Variants in TCF4 observed in about 807,000 individuals in gnomAD.
TCF4 encodes transcription factor 4.
Under a neutral mutation model 82.1 loss-of-function variants are expected in TCF4, and 3 were observed. The ratio of observed to expected loss-of-function variants is 0.04; its 90% CI spans 0.02 to 0.09. TCF4 has a LOEUF of 0.09. Among genes scored for constraint, TCF4 ranks in the 10% least tolerant of loss-of-function variants. TCF4 has a pLI of 1.00. For missense variants in TCF4, 518 were observed against 852.7 expected (o/e 0.61, Z 4.89); for synonymous variants, 276 against 309.6 (o/e 0.89, Z 1.14).
intron 15 of TCF4, among the ~76,000 whole-genome samples, chr18:55,244,910 G>A (rs141236921): frequency 3.1e-4 from 47 of 152,304 alleles, no homozygotes; most frequent in African/African-American, 1.1e-3. Flanking sequence ...ACTCAATACC[G>A]TGGTTTTTGA....
At chr18:55,261,233 C>T (rs1183480022) in intron 12 of TCF4, 1 of 574,670 alleles carries the variant, frequency 1.7e-6, no homozygotes, top group Non-Finnish European at 3.1e-6. Context: ...AATATTCCCA[C>T]ATCCATAATT....
intron 5 of TCF4, among the ~76,000 whole-genome samples, chr18:55,453,766 G>A (rs72928933): frequency 0.047 from 7,057 of 151,318 alleles, 176 homozygotes; most frequent in African/African-American, 0.057. Flanking sequence ...TACCAGAAAC[G>A]CAACTTTTTT....
At chr18:55,271,820 T>C (rs2060443383) in intron 10 of TCF4, among the ~76,000 whole-genome samples, 1 of 152,044 alleles carries the variant, frequency 6.6e-6, no homozygotes, top group Admixed American at 6.6e-5. Flanking sequence ...GAGGTATTTC[T>C]GCTATAGAGG....
intron 8 of TCF4, among the ~76,000 whole-genome samples, chr18:55,335,762 C>A (rs1428579479): frequency 6.6e-6 from 1 of 151,998 alleles, no homozygotes; most frequent in East Asian, 1.9e-4. Context: ...TCAAATGACA[C>A]TTAGATTAAT....
rs2082222722 is a variant in TCF4, at chr18:55,351,090, T to A, written c.370-87A>T. 2.6e-6 allele frequency: 4 copies of A among 1,545,222 alleles called. No individual in the cohort carries two copies. The Admixed American group carries it at 6.8e-5, about 26-fold the overall frequency. ...AACTGATTGTTAGTACTTAAACCAA[T>A]GCAATAAAGCAAACAGCATCTGCTA... On this transcript the variant is annotated intron_variant, in intron 6 of 19. Coordinates refer to ENST00000354452, the MANE Select transcript of TCF4 (RefSeq NM_001083962.2).
intron 5 of TCF4, among the ~76,000 whole-genome samples, chr18:55,426,798 T>C (rs1323434990): frequency 2.6e-5 from 4 of 152,126 alleles, no homozygotes; most frequent in African/African-American, 7.2e-5. Flanking sequence ...TCTATATATA[T>C]CATACTAATA....
intron 3 of TCF4, among the ~76,000 whole-genome samples, chr18:55,506,584 C>T (rs996527856): frequency 6.6e-6 from 1 of 151,978 alleles, no homozygotes; most frequent in South Asian, 2.1e-4. Context: ...ATACATACCC[C>T]ACACACAAAA....
chr18:55,379,843 C>G (rs1421866649), intron 6 of TCF4, among the ~76,000 whole-genome samples: 1 of 152,034 alleles, frequency 6.6e-6, no homozygotes, highest in Non-Finnish European at 1.5e-5. Flanking sequence ...AGATCAGGAC[C>G]AGAATGGCTG....
At chr18:55,409,107 C>T in intron 5 of TCF4, among the ~76,000 whole-genome samples, 1 of 152,156 alleles carries the variant, frequency 6.6e-6, no homozygotes. Context: ...TGCATTTCTA[C>T]ACCTCTATGT....
At chr18:55,405,761 A>T (rs970736083) in intron 5 of TCF4, among the ~76,000 whole-genome samples, 9 of 152,164 alleles carry the variant, frequency 5.9e-5, no homozygotes, top group African/African-American at 2.2e-4. Flanking sequence ...AGGAAAAGAA[A>T]GAGGCAGGAG....
At chr18:55,235,143 T>A (rs1354172618) in intron 15 of TCF4, among the ~76,000 whole-genome samples, 2 of 152,168 alleles carry the variant, frequency 1.3e-5, no homozygotes, top group Non-Finnish European at 2.9e-5. Flanking sequence ...CCTGCCATTT[T>A]TTTTTTTCCA....
intron 5 of TCF4, among the ~76,000 whole-genome samples, chr18:55,425,406 T>C (rs538843247): frequency 4.0e-5 from 6 of 151,834 alleles, no homozygotes; most frequent in Admixed American, 3.3e-4. Context: ...ACCAATGAAT[T>C]TGTCCTTTGG....
At chr18:55,340,498 C>A (rs545229347) in intron 8 of TCF4, among the ~76,000 whole-genome samples, 1 of 149,452 alleles carries the variant, frequency 6.7e-6, no homozygotes, top group Non-Finnish European at 1.5e-5. Context: ...GTGGGAGGAC[C>A]GCTTGAGCCT....
At chr18:55,274,939 A>G (rs945932654) in intron 10 of TCF4, among the ~76,000 whole-genome samples, 2 of 152,162 alleles carry the variant, frequency 1.3e-5, no homozygotes, top group African/African-American at 2.4e-5. Context: ...AATGTAGGTG[A>G]TGGACAGAGT....
Position 55,404,908 on chromosome 18 carries a change from A to G in TCF4, c.305-1390T>C, listed in dbSNP as rs150710935. Reference sequence around the variant, plus strand: ...TTTTCTACTGATTTTAATGAATCTTAAAGTTGGGAAAACACCTCCGCCCCA... The same window carrying G: ...TTTTCTACTGATTTTAATGAATCTTGAAGTTGGGAAAACACCTCCGCCCCA... On this transcript the variant is annotated intron_variant, in intron 5 of 19. Coordinates refer to ENST00000354452, the MANE Select transcript of TCF4 (RefSeq NM_001083962.2). Among the ~76,000 whole-genome samples the G allele has an allele frequency of 2.6e-5, 4 of 152,352 alleles. No individual in the cohort carries two copies. The East Asian group carries it at 7.7e-4, about 29-fold the overall frequency.
chr18:55,390,422 G>C (rs932082925), intron 6 of TCF4, among the ~76,000 whole-genome samples: 2 of 151,998 alleles, frequency 1.3e-5, no homozygotes, highest in African/African-American at 4.8e-5. Flanking sequence ...CACAGGGTGA[G>C]TTTCCTAATA....
rs138367243 is a variant in TCF4 at position 55,225,481 on chromosome 18, C to T, written c.*2554G>A. On this transcript the variant is annotated 3_prime_UTR_variant, in exon 20 of 20. Coordinates refer to ENST00000354452, the MANE Select transcript of TCF4 (RefSeq NM_001083962.2). ...TTCCAGTTCCCTAAAGAGTAAACAC[C>T]GTATTTTCTTCTGTACACTTATCCT... 2.6e-5 allele frequency: 4 copies of T among 152,552 alleles called. No individual in the cohort carries two copies. Among genetic ancestry groups the T allele is most frequent in the Admixed American group, 6.5e-5 (1 of 15,274 alleles). 9.4% of individuals were successfully genotyped at this position (152,552 alleles called of 1,614,324 possible).
intron 3 of TCF4, among the ~76,000 whole-genome samples, chr18:55,562,579 C>T (rs999422583): frequency 3.9e-5 from 6 of 152,140 alleles, no homozygotes; most frequent in African/African-American, 1.4e-4. Context: ...AGCAGTGTGT[C>T]CCCCTGACTT....
At chr18:55,272,486 G>A (rs746147650) in intron 10 of TCF4, among the ~76,000 whole-genome samples, 10 of 151,964 alleles carry the variant, frequency 6.6e-5, no homozygotes, top group African/African-American at 2.4e-4. Context: ...CCCACTATTC[G>A]TTCATTTTAA....
Sources: allele counts gnomAD v4.1 joint callset (sites outside exome capture counted in the v4.1 genomes callset), GRCh38; gene constraint gnomAD v4.1.1; transcripts MANE v1.5; gene names NCBI Gene and HGNC (gene_info 2026-07-23, HGNC 2026-07-21).